MDH2: variants seen among roughly 807,000 people sequenced by gnomAD.
MDH2 encodes the protein malate dehydrogenase, mitochondrial.
Under a neutral mutation model 33.6 loss-of-function variants are expected in MDH2, and 25 were observed. That is an observed-to-expected ratio of 0.74 (90% CI 0.54 to 1.04). MDH2 has a LOEUF of 1.04. MDH2 is among the 50% of genes least tolerant of loss of function. MDH2 has a pLI of 0.00. For missense variants in MDH2, 432 were observed against 445.0 expected (o/e 0.97, Z 0.26); for synonymous variants, 193 against 188.7 (o/e 1.02, Z -0.19).
chr7:76,055,779 A>AT (rs1241253254), intron 2 of MDH2, among the ~76,000 whole-genome samples: 2 of 151,336 alleles, frequency 1.3e-5, no homozygotes, highest in Non-Finnish European at 2.9e-5. Context: ...ATATTTATAT[A>AT]TGCTGCTTAT....
At chr7:76,063,150 A>G (rs1465294) in intron 5 of MDH2, among the ~76,000 whole-genome samples, 2,123 of 152,206 alleles carry the variant, frequency 0.014, 42 homozygotes, top group African/African-American at 0.049. Context: ...GGGCTTGTGC[A>G]TGGGGAGTGG....
chr7:76,056,516 C>T (rs1797790685), intron 2 of MDH2, among the ~76,000 whole-genome samples: 1 of 152,078 alleles, frequency 6.6e-6, no homozygotes, highest in Non-Finnish European at 1.5e-5. Context: ...TGCCCATTTT[C>T]TTTTGGGCTG....
chr7:76,058,981 T>C (rs1797866624), intron 4 of MDH2, among the ~76,000 whole-genome samples: 1 of 152,228 alleles, frequency 6.6e-6, no homozygotes, highest in Admixed American at 6.5e-5. Flanking sequence ...TTTGGCTCTG[T>C]CGCCCAGGCC....
chr7:76,062,637 G>T (rs1301077647), intron 5 of MDH2, among the ~76,000 whole-genome samples: 1 of 152,194 alleles, frequency 6.6e-6, no homozygotes, highest in South Asian at 2.1e-4. Flanking sequence ...TGGTTCAGCC[G>T]GGCGCAGTGG....
intron 1 of MDH2, 104 bp downstream of exon 1, chr7:76,048,330 C>T: frequency 7.1e-7 from 1 of 1,398,754 alleles, no homozygotes; most frequent in Non-Finnish European, 9.4e-7. Flanking sequence ...CAGCCTGGAC[C>T]GCAGGGATGC....
chr7:76,058,043 T>TC lies in MDH2; in HGVS notation c.394_395insC (p.Cys132SerfsTer14). ...CCTGACCGCTGCCTGTGCCCAGCAC[T>TC]GCCCGGAAGCCATGATCTGCGTCAT... is the stretch of plus-strand genomic sequence containing the variant. On this transcript the variant is annotated frameshift_variant, in exon 4 of 9. Transcript: ENST00000315758. LOFTEE classifies it high-confidence loss of function. 6.2e-7 allele frequency: 1 copy of TC among 1,613,824 alleles called. No homozygotes were observed.
In MDH2 at chr7:76,064,386, TG is replaced by T; in HGVS notation, c.684del (p.Arg229GlyfsTer38). ...FPQDQLTALT[G>X]RIQEAGTEVV... ...CCCAGGACCAGCTGACAGCACTCAC[TG>T]GGCGGATCCAGGAGGCCGGCACGGA... On this transcript the variant is annotated frameshift_variant, in exon 7 of 9. Transcript: ENST00000315758. LOFTEE classifies it high-confidence loss of function. The T allele has an allele frequency of 6.2e-7, 1 of 1,613,616 alleles. No individual in the cohort carries two copies. The highest frequency in any genetic ancestry group is 2.2e-5 in the East Asian group (1 of 44,822).
At chr7:76,058,483 C>A (rs1563549118) in intron 4 of MDH2, among the ~76,000 whole-genome samples, 1 of 152,116 alleles carries the variant, frequency 6.6e-6, no homozygotes. Flanking sequence ...GTGCCTGAAC[C>A]CTGAACCCTG....
intron 5 of MDH2, among the ~76,000 whole-genome samples, 174 bp downstream of exon 5, chr7:76,060,672 G>A (rs1159229285): frequency 6.6e-6 from 1 of 152,018 alleles, no homozygotes; most frequent in African/African-American, 2.4e-5. Flanking sequence ...TTTCCTGTGG[G>A]TTCCAGGCAC....
intron 1 of MDH2, among the ~76,000 whole-genome samples, chr7:76,051,813 T>C (rs1223959536): frequency 6.6e-6 from 1 of 152,194 alleles, no homozygotes. Flanking sequence ...TCAACACAGT[T>C]GCCAAGCAGT....
chr7:76,059,901 C>G (rs782771904), intron 4 of MDH2, among the ~76,000 whole-genome samples: 3 of 152,176 alleles, frequency 2.0e-5, no homozygotes, highest in African/African-American at 4.8e-5. Context: ...TTTATGACTT[C>G]ATGAGGTTGT....
At chr7:76,050,784 G>T (rs1359670658) in intron 1 of MDH2, among the ~76,000 whole-genome samples, 1 of 152,158 alleles carries the variant, frequency 6.6e-6, no homozygotes, top group African/African-American at 2.4e-5. Flanking sequence ...TTAGATAAGG[G>T]GTCGGGGATG....
chr7:76,048,562 G>GT (rs1288029912), intron 1 of MDH2: 30 of 1,314,188 alleles, frequency 2.3e-5, no homozygotes, highest in Middle Eastern at 5.7e-4. Flanking sequence ...GTAAACTTAC[G>GT]TTTTTTTCTG....
At position 76,064,925 on chromosome 7, in the gene MDH2, C is replaced by T; in HGVS notation, c.857C>T (p.Thr286Ile). The T allele has an allele frequency of 1.9e-6, 3 of 1,614,158 alleles. No individual in the cohort carries two copies. The highest frequency in any genetic ancestry group is 2.5e-6 in the Non-Finnish European group (3 of 1,180,034). ...GTTAAGTCACAGGAAACGGAATGTA[C>T]CTACTTCTCCACACCGCTGCTGCTT... ...SFVKSQETECTYFSTPLLLGK... is the reference protein window; with the variant it reads ...SFVKSQETECIYFSTPLLLGK... Residue 286 changes from threonine (T) to isoleucine (I), a missense_variant, in exon 8 of 9, where the codon ACC becomes ATC. Physicochemically the swap from Thr to Ile is moderately conservative, Grantham distance 89 (BLOSUM62 -1). Coordinates refer to ENST00000315758, the MANE Select transcript of MDH2 (RefSeq NM_005918.4).
Position 76,056,688 on chromosome 7 carries a change from C to T in MDH2, c.236-722C>T, listed in dbSNP as rs1200920137. ...ATATTTAGAGTCTTTCAGCACAGGA[C>T]GTTTTCTTTCCTGGCCTTCAGTGCC... On this transcript the variant is annotated intron_variant, in intron 2 of 8. Coordinates refer to ENST00000315758, the MANE Select transcript of MDH2 (RefSeq NM_005918.4). 2.0e-5 allele frequency among the ~76,000 whole-genome samples: 3 copies of T among 152,144 alleles called. No homozygotes were observed. In the East Asian group the frequency reaches 5.8e-4, roughly 29 times the overall value.
At position 76,064,828 on chromosome 7, in the gene MDH2, G is replaced by A; in HGVS notation, c.760G>A (p.Ala254Thr). The A allele has an allele frequency of 6.2e-7, 1 of 1,614,098 alleles. No homozygotes were observed. The highest frequency in any genetic ancestry group is 8.5e-7 in the Non-Finnish European group (1 of 1,180,032). The part of the protein sequence containing the change: ...AGSATLSMAY[A>T]GARFVFSLVD... ...CTCTGCCACCCTCTCCATGGCGTAT[G>A]CCGGCGCCCGCTTTGTCTTCTCCCT... The change falls in exon 8 of 9, where the codon GCC becomes ACC. Residue 254 changes from alanine to threonine, a missense_variant. Ala to Thr is a moderately conservative substitution (Grantham distance 58). Coordinates refer to ENST00000315758, the MANE Select transcript of MDH2 (RefSeq NM_005918.4).
chr7:76,063,812 G>A (rs565449070), intron 6 of MDH2, among the ~76,000 whole-genome samples: 1 of 152,330 alleles, frequency 6.6e-6, no homozygotes, highest in Admixed American at 6.5e-5. Context: ...CACGCAAGGA[G>A]AACCACTGTT....
intron 4 of MDH2, 54 bp from the exon 5 acceptor site, chr7:76,060,319 T>C: frequency 6.2e-7 from 1 of 1,602,510 alleles, no homozygotes; most frequent in Non-Finnish European, 8.5e-7. Context: ...TGCTGTGGCT[T>C]GGCCCTGCTC....
rs143480731 is a variant in MDH2, at chr7:76,052,354, C to T, written c.67-2476C>T. ...CTAAGGTGGGGAGGATGGCTTGAAC[C>T]GAAAATGCAGAGGTTGCAGTGAGCC... On this transcript the variant is annotated intron_variant, in intron 1 of 8. Transcript: ENST00000315758. Among the ~76,000 whole-genome samples the T allele has an allele frequency of 1.0e-4, 15 of 148,258 alleles. No homozygotes were observed. In the East Asian group the frequency reaches 1.8e-3, roughly 18 times the overall value.
Sources: allele counts gnomAD v4.1 joint callset (sites outside exome capture counted in the v4.1 genomes callset), GRCh38; gene constraint gnomAD v4.1.1; transcripts MANE v1.5; gene names NCBI Gene and HGNC (gene_info 2026-07-23, HGNC 2026-07-21).